Variants in COL24A1 observed in about 807,000 individuals in gnomAD.
COL24A1 encodes the protein collagen type XXIV alpha 1 chain, also known as collagen alpha-1(XXIV) chain.
COL24A1 carries 224 observed loss-of-function variants against 253.9 expected under a neutral mutation model. That is an observed-to-expected ratio of 0.88 (90% confidence interval 0.79 to 0.99). The LOEUF is 0.99. COL24A1 is among the 50% of genes least tolerant of loss of function. The pLI, the probability that COL24A1 is intolerant of heterozygous loss-of-function variation, is 0.00. For missense variants in COL24A1, 2,131 were observed against 2,068.5 expected, an observed-to-expected ratio of 1.03 and a Z score of -0.59; for synonymous variants, 685 against 673.7, an observed-to-expected ratio of 1.02 and a Z score of -0.26.
At chr1:86,116,723 T>C (rs1706177061) in intron 3 of COL24A1, among the ~76,000 whole-genome samples, 1 of 152,212 alleles carries the variant, frequency 6.6e-6, no homozygotes, top group Non-Finnish European at 1.5e-5. Context: ...AGTTTTCTGA[T>C]ATTCATTAGA....
intron 22 of COL24A1, among the ~76,000 whole-genome samples, chr1:85,969,634 A>AAAAAAAAAAAAAAAAAAC (rs1305793295): frequency 6.7e-6 from 1 of 148,774 alleles, no homozygotes; most frequent in African/African-American, 2.5e-5. Context: ...AAAAAAAAAA[A>AAAAAAAAAAAAAAAAAAC]AGGAAGAACC....
At chr1:86,011,296 G>C (rs1055848857) in intron 19 of COL24A1, among the ~76,000 whole-genome samples, 4 of 152,002 alleles carry the variant, frequency 2.6e-5, no homozygotes, top group Admixed American at 2.6e-4. Context: ...ACTGAGGAAG[G>C]CTTAACCTCT....
At position 86,063,783 on chromosome 1, in the gene COL24A1, T is replaced by C. The variant is rs769904689; in HGVS notation, c.1708-24A>G. On this transcript the variant is annotated intron_variant, in intron 7 of 59. Transcript: ENST00000370571. ...CCCTGTAAAAGAATAAGTGGAGACATGCTATGAAAAGTAAACTCATATAAG... is the reference window on the plus strand; with the variant it reads ...CCCTGTAAAAGAATAAGTGGAGACACGCTATGAAAAGTAAACTCATATAAG... 16 of 1,501,302 alleles carry C rather than the reference T, an allele frequency of 1.1e-5. No homozygotes were observed. The African/African-American group carries it at 2.3e-4, about 21-fold the overall frequency. The allele number at this position is 1,501,302 out of a possible 1,614,324, so 93.0% of individuals were successfully genotyped here.
At chr1:85,850,852 G>A (rs367618089) in intron 37 of COL24A1, among the ~76,000 whole-genome samples, 7 of 151,970 alleles carry the variant, frequency 4.6e-5, no homozygotes, top group South Asian at 2.1e-4. Context: ...TATGCTAGTC[G>A]TTATTAACTT....
intron 37 of COL24A1, 145 bp downstream of exon 37, chr1:85,868,374 T>C: frequency 1.9e-6 from 1 of 515,940 alleles, no homozygotes; most frequent in South Asian, 4.5e-5. Flanking sequence ...AGTCCTTGAC[T>C]TTTCCTTCTC....
At chr1:86,061,201 T>C (rs1019996608) in intron 8 of COL24A1, among the ~76,000 whole-genome samples, 3 of 151,994 alleles carry the variant, frequency 2.0e-5, no homozygotes, top group African/African-American at 7.2e-5. Flanking sequence ...CCAATAGCAC[T>C]CCAAGGAAAG....
At chr1:85,849,313 A>G in intron 38 of COL24A1, 40 bp downstream of exon 38, 2 of 1,555,944 alleles carry the variant, frequency 1.3e-6, no homozygotes, top group Non-Finnish European at 1.8e-6. Flanking sequence ...TGGGCACATC[A>G]GAAGAAAGAA....
intron 11 of COL24A1, among the ~76,000 whole-genome samples, chr1:86,047,087 T>A (rs1276440926): frequency 2.6e-5 from 4 of 152,198 alleles, no homozygotes; most frequent in Non-Finnish European, 4.4e-5. Flanking sequence ...CAGGAATCTA[T>A]CCCATCTATA....
intron 19 of COL24A1, among the ~76,000 whole-genome samples, chr1:85,994,083 C>A (rs12039529): frequency 6.6e-6 from 1 of 151,562 alleles, no homozygotes; most frequent in Non-Finnish European, 1.5e-5. Context: ...ATCCACTGTG[C>A]TTTAAATATA....
chr1:86,133,734 C>T (rs1557767061), intron 2 of COL24A1, among the ~76,000 whole-genome samples: 1 of 152,150 alleles, frequency 6.6e-6, no homozygotes, highest in Non-Finnish European at 1.5e-5. Context: ...TTTTGATGTG[C>T]TGCTGGATTC....
intron 18 of COL24A1, among the ~76,000 whole-genome samples, chr1:86,019,630 G>A (rs1038539772): frequency 1.3e-5 from 2 of 151,734 alleles, no homozygotes; most frequent in African/African-American, 4.8e-5. Flanking sequence ...AAAATACAAG[G>A]CTATCTCACT....
At chr1:86,081,054 A>C (rs1702598083) in intron 7 of COL24A1, among the ~76,000 whole-genome samples, 1 of 152,196 alleles carries the variant, frequency 6.6e-6, no homozygotes, top group Non-Finnish European at 1.5e-5. Flanking sequence ...GAAATAAAAA[A>C]ATTATAGTAG....
At chr1:86,061,929 T>C (rs1193300034) in intron 8 of COL24A1, among the ~76,000 whole-genome samples, 1 of 152,052 alleles carries the variant, frequency 6.6e-6, no homozygotes, top group African/African-American at 2.4e-5. Context: ...CTGAGTCAGT[T>C]AGACTTCATT....
At chr1:85,858,480 A>G (rs1366809752) in intron 37 of COL24A1, among the ~76,000 whole-genome samples, 1 of 152,138 alleles carries the variant, frequency 6.6e-6, no homozygotes, top group Non-Finnish European at 1.5e-5. Flanking sequence ...TTCCTCAGAT[A>G]ATCACATAGG....
At chr1:85,841,009 T>C (rs929110568) in intron 42 of COL24A1, among the ~76,000 whole-genome samples, 1 of 152,188 alleles carries the variant, frequency 6.6e-6, no homozygotes, top group Non-Finnish European at 1.5e-5. Flanking sequence ...ATATTAACCC[T>C]ATATATTATG....
intron 43 of COL24A1, among the ~76,000 whole-genome samples, chr1:85,829,500 T>A (rs1338921450): frequency 1.3e-5 from 2 of 151,950 alleles, no homozygotes; most frequent in Admixed American, 1.3e-4. Flanking sequence ...TTCTCCTGGA[T>A]AATATCCTGC....
intron 11 of COL24A1, among the ~76,000 whole-genome samples, chr1:86,049,379 G>A (rs965721990): frequency 1.3e-5 from 2 of 152,006 alleles, no homozygotes; most frequent in African/African-American, 2.4e-5. Flanking sequence ...ACTTTCATTT[G>A]CAAAAATCAC....
At chr1:85,963,027 T>C (rs1308427813) in intron 23 of COL24A1, among the ~76,000 whole-genome samples, 17 of 152,152 alleles carry the variant, frequency 1.1e-4, no homozygotes, top group Admixed American at 1.1e-3. Context: ...ATATAATATT[T>C]GGATATCTTG....
chr1:86,123,383 T>A (rs1005236638), intron 3 of COL24A1, among the ~76,000 whole-genome samples: 2 of 152,022 alleles, frequency 1.3e-5, no homozygotes, highest in African/African-American at 4.8e-5. Context: ...TACACTTACT[T>A]TGCATCTCTC....
Sources: allele counts gnomAD v4.1 joint callset (sites outside exome capture counted in the v4.1 genomes callset), GRCh38; gene constraint gnomAD v4.1.1; transcripts MANE v1.5; gene names NCBI Gene and HGNC (gene_info 2026-07-23, HGNC 2026-07-21).